ROBO2: variants seen among roughly 807,000 people sequenced by gnomAD.
ROBO2 encodes roundabout guidance receptor 2, also known as roundabout homolog 2.
In ROBO2, 53 loss-of-function variants were observed where a neutral mutation model predicts 160.8. The ratio of observed to expected loss-of-function variants is 0.33; its 90% CI spans 0.26 to 0.41. The LOEUF (loss-of-function observed/expected upper bound fraction) is 0.41, where lower values mean the gene tolerates loss of function less well. ROBO2 is among the 10% of genes least tolerant of loss of function. The probability of loss-of-function intolerance (pLI) is 1.00; values close to 1 mark genes in which losing one functional copy is unlikely to be tolerated. For missense variants in ROBO2, 1,577 were observed against 1,722.4 expected (o/e 0.92, Z 1.49); for synonymous variants, 664 against 611.7 (o/e 1.09, Z -1.26).
At chr3:76,655,851 A>G (rs933530454) in intron 2 of ROBO2, among the ~76,000 whole-genome samples, 1 of 151,886 alleles carries the variant, frequency 6.6e-6, no homozygotes, top group African/African-American at 2.4e-5. Flanking sequence ...TTGATCCAAT[A>G]TATTTCAACA....
At chr3:76,178,492 T>A (rs1293604842) in intron 2 of ROBO2, among the ~76,000 whole-genome samples, 1 of 152,172 alleles carries the variant, frequency 6.6e-6, no homozygotes, top group African/African-American at 2.4e-5. Flanking sequence ...ATTGTTCATC[T>A]TAAATCTCTA....
At chr3:76,351,166 C>A (rs1453020861) in intron 2 of ROBO2, among the ~76,000 whole-genome samples, 2 of 151,700 alleles carry the variant, frequency 1.3e-5, no homozygotes, top group Non-Finnish European at 2.9e-5. Context: ...AAAAATTGAA[C>A]CACAGAAAGT....
At chr3:76,133,202 T>C (rs1472671512) in intron 2 of ROBO2, among the ~76,000 whole-genome samples, 1 of 152,038 alleles carries the variant, frequency 6.6e-6, no homozygotes, top group African/African-American at 2.4e-5. Flanking sequence ...ATAAAATTAA[T>C]GTTGGAAAGG....
At chr3:76,566,817 G>GA (rs563682168) in intron 2 of ROBO2, among the ~76,000 whole-genome samples, 150 of 152,056 alleles carry the variant, frequency 9.9e-4, no homozygotes, top group African/African-American at 3.4e-3. Context: ...GAAGAAAAGA[G>GA]AAAAAATCTC....
intron 2 of ROBO2, among the ~76,000 whole-genome samples, chr3:77,404,479 G>C (rs1012824919): frequency 1.3e-5 from 2 of 152,112 alleles, no homozygotes; most frequent in African/African-American, 4.8e-5. Context: ...GATCATAAAG[G>C]TCAGCAGTAT....
At chr3:77,104,573 G>A (rs1354479601) in intron 2 of ROBO2, among the ~76,000 whole-genome samples, 1 of 152,042 alleles carries the variant, frequency 6.6e-6, no homozygotes, top group African/African-American at 2.4e-5. Flanking sequence ...TTTCATTTGG[G>A]TATTCTCATA....
intron 2 of ROBO2, among the ~76,000 whole-genome samples, chr3:76,413,466 A>G (rs563783367): frequency 7.5e-4 from 114 of 152,330 alleles, no homozygotes; most frequent in Non-Finnish European, 6.3e-4. Context: ...GAATGCCTTT[A>G]ACAGCACCCA....
chr3:76,878,562 C>T (rs1052048062), intron 2 of ROBO2, among the ~76,000 whole-genome samples: 1 of 152,118 alleles, frequency 6.6e-6, no homozygotes, highest in South Asian at 2.1e-4. Flanking sequence ...CAATGTCATA[C>T]TGAATAAGAA....
At chr3:76,574,287 G>C (rs2085148834) in intron 2 of ROBO2, among the ~76,000 whole-genome samples, 1 of 151,934 alleles carries the variant, frequency 6.6e-6, no homozygotes, top group Non-Finnish European at 1.5e-5. Context: ...GAAAAGTATA[G>C]AGGTGTTTCA....
chr3:76,643,822 T>C (rs1194717356), intron 2 of ROBO2, among the ~76,000 whole-genome samples: 1 of 152,090 alleles, frequency 6.6e-6, no homozygotes, highest in African/African-American at 2.4e-5. Context: ...TAAATTTCCA[T>C]TCAAACTTGT....
intron 2 of ROBO2, among the ~76,000 whole-genome samples, chr3:77,328,791 T>A (rs2065699147): frequency 6.6e-6 from 1 of 152,212 alleles, no homozygotes; most frequent in Non-Finnish European, 1.5e-5. Flanking sequence ...TCCCACATGC[T>A]GTTCTTGGTC....
chr3:77,293,241 A>G (rs2153396731), intron 2 of ROBO2, among the ~76,000 whole-genome samples: 1 of 151,926 alleles, frequency 6.6e-6, no homozygotes, highest in South Asian at 2.1e-4. Context: ...CCCAGACATA[A>G]AGTAAAATTG....
At chr3:76,950,311 A>G (rs2078880509) in intron 2 of ROBO2, among the ~76,000 whole-genome samples, 1 of 152,044 alleles carries the variant, frequency 6.6e-6, no homozygotes, top group Admixed American at 6.6e-5. Context: ...TTTACCTCCT[A>G]CTCAAAAAGT....
chr3:76,525,360 A>G (rs9862594), intron 2 of ROBO2, among the ~76,000 whole-genome samples: 11,606 of 151,970 alleles, frequency 0.076, 805 homozygotes, highest in African/African-American at 0.18. Context: ...AATAGCTTAT[A>G]AAACACATTT....
chr3:75,934,500 T>C (rs1947686502), intron 1 of ROBO2, among the ~76,000 whole-genome samples: 1 of 152,212 alleles, frequency 6.6e-6, no homozygotes, highest in South Asian at 2.1e-4. Flanking sequence ...ATGGAAAATT[T>C]TTTTTAAATG....
intron 2 of ROBO2, among the ~76,000 whole-genome samples, chr3:77,348,946 T>C (rs2067989917): frequency 6.6e-6 from 1 of 151,626 alleles, no homozygotes; most frequent in South Asian, 2.1e-4. Context: ...TCACTTCTTC[T>C]CCCGAAAAGC....
At chr3:76,880,179 T>G (rs2073191198) in intron 2 of ROBO2, among the ~76,000 whole-genome samples, 1 of 152,158 alleles carries the variant, frequency 6.6e-6, no homozygotes, top group African/African-American at 2.4e-5. Context: ...TTTTCCCGGT[T>G]TATCATTTTT....
intron 2 of ROBO2, among the ~76,000 whole-genome samples, chr3:76,258,354 A>T (rs1039961757): frequency 1.3e-5 from 2 of 152,054 alleles, no homozygotes; most frequent in African/African-American, 4.8e-5. Flanking sequence ...ACTTTATATT[A>T]AAAGGTAACT....
chr3:77,580,898 G>A (rs1583077132), intron 16 of ROBO2, among the ~76,000 whole-genome samples: 2 of 152,078 alleles, frequency 1.3e-5, no homozygotes, highest in Non-Finnish European at 2.9e-5. Flanking sequence ...TATAGTTTGA[G>A]TTTATGAGAA....
Sources: allele counts gnomAD v4.1 joint callset (sites outside exome capture counted in the v4.1 genomes callset), GRCh38; gene constraint gnomAD v4.1.1; transcripts MANE v1.5; gene names NCBI Gene and HGNC (gene_info 2026-07-23, HGNC 2026-07-21).